MYCBPAP: variants seen among roughly 807,000 people sequenced by gnomAD.
MYCBPAP encodes the protein MYCBP associated protein.
Under a neutral mutation model 106.1 loss-of-function variants are expected in MYCBPAP, and 60 were observed. The observed-to-expected ratio is 0.57, with a 90% CI of 0.46 to 0.70. The LOEUF (loss-of-function observed/expected upper bound fraction) is 0.70. Ranked by LOEUF, MYCBPAP falls within the 30% of genes least tolerant of loss-of-function variation. MYCBPAP has a pLI of 0.00. For missense variants in MYCBPAP, 1,064 were observed against 1,169.3 expected, an observed-to-expected ratio of 0.91 and a Z score of 1.31; for synonymous variants, 407 against 440.6, an observed-to-expected ratio of 0.92 and a Z score of 0.95.
At position 50,523,089 on chromosome 17, in the gene MYCBPAP, A is replaced by G. The variant is rs1286742846; in HGVS notation, c.1408A>G (p.Lys470Glu). Residue 470 changes from lysine (K) to glutamate (E), a missense_variant, in exon 11 of 19, where the codon AAA becomes GAA. By Grantham distance (56) the Lys-to-Glu change is moderately conservative. Transcript: ENST00000323776. The part of the protein sequence containing the change: ...HQPDTFQDLK[K>E]NRMQRFYFDN... Reference sequence around the variant, plus strand: ...GCCGGACACTTTCCAAGACCTTAAGAAAAACAGGATGCAGCGATTTTACTT... The same window carrying G: ...GCCGGACACTTTCCAAGACCTTAAGGAAAACAGGATGCAGCGATTTTACTT... The G allele has an allele frequency of 1.2e-6, 2 of 1,613,992 alleles. No homozygotes were observed. Among genetic ancestry groups the G allele is most frequent in the African/African-American group, 1.3e-5 (1 of 74,930 alleles).
At chr17:50,526,903 C>T (rs1456043470) in intron 14 of MYCBPAP, among the ~76,000 whole-genome samples, 1 of 152,108 alleles carries the variant, frequency 6.6e-6, no homozygotes, top group Non-Finnish European at 1.5e-5. Context: ...TTAGTAGAGA[C>T]GGGGTTTCAC....
At chr17:50,520,936 G>A in intron 7 of MYCBPAP, 174 bp from the exon 8 acceptor site, 1 of 584,640 alleles carries the variant, frequency 1.7e-6, no homozygotes, top group Non-Finnish European at 3.0e-6. Flanking sequence ...CTTGTGTAGG[G>A]CTGCTGAGGA....
At chr17:50,509,402 C>G (rs141925915) in intron 1 of MYCBPAP, 29 of 448,288 alleles carry the variant, frequency 6.5e-5, no homozygotes, top group Middle Eastern at 1.3e-3. Context: ...CTGGTTGCAC[C>G]TGGGAGAGCC....
At chr17:50,520,919 C>T in intron 7 of MYCBPAP, 191 bp from the exon 8 acceptor site, 1 of 557,470 alleles carries the variant, frequency 1.8e-6, no homozygotes, top group Non-Finnish European at 3.2e-6. Flanking sequence ...GCTAATTTTT[C>T]AGGAGTCTTG....
In MYCBPAP at chr17:50,522,035, G is replaced by A; in HGVS notation, c.1211G>A (p.Cys404Tyr). ...MPILGPSLLF[C>Y]GKPACWIRGS... ...ATTCTCGGCCCTTCTCTGCTGTTCT[G>A]TGGGAAGCCAGCTTGCTGGATCAGA... is the stretch of plus-strand genomic sequence containing the variant. The change falls in exon 10 of 19, where the codon TGT becomes TAT. Residue 404 changes from cysteine to tyrosine, a missense_variant. Transcript: ENST00000323776. 2.5e-6 allele frequency: 4 copies of A among 1,614,052 alleles called. No homozygotes were observed. The highest frequency in any genetic ancestry group is 3.4e-6 in the Non-Finnish European group (4 of 1,179,938).
chr17:50,520,413 G>A (rs368126171), intron 7 of MYCBPAP, among the ~76,000 whole-genome samples: 1 of 152,300 alleles, frequency 6.6e-6, no homozygotes, highest in South Asian at 2.1e-4. Context: ...GCTGAGGCAG[G>A]AGAATTGCTT....
rs2034440242 is a variant in MYCBPAP at position 50,525,869 on chromosome 17, C to G, written c.1783-12C>G. 1 of 1,585,094 alleles carries G rather than the reference C, an allele frequency of 6.3e-7. No homozygotes were observed. Among genetic ancestry groups the G allele is most frequent in the Admixed American group, 1.8e-5 (1 of 56,180 alleles). ...GCCTCCCCCTCACATGCCTTCCCAT[C>G]CTCTGCTGCAGCTGCATTATGAGCA... On this transcript the variant is annotated splice_polypyrimidine_tract_variant and intron_variant, in intron 13 of 18. Transcript: ENST00000323776.
Position 50,523,066 on chromosome 17 carries a change from C to T in MYCBPAP, c.1385C>T (p.Pro462Leu), listed in dbSNP as rs146276624. The change falls in exon 11 of 19, where the codon CCG becomes CTG. Residue 462 changes from proline (P) to leucine (L), a missense_variant. Transcript: ENST00000323776. ...TATGACTGGCGACGGCAGCACCAGCCGGACACTTTCCAAGACCTTAAGAAA... is the reference window on the plus strand; with the variant it reads ...TATGACTGGCGACGGCAGCACCAGCTGGACACTTTCCAAGACCTTAAGAAA... ...IWYDWRRQHQ[P>L]DTFQDLKKNR... The T allele has an allele frequency of 2.0e-5, 32 of 1,613,938 alleles. No individual in the cohort carries two copies. The highest frequency in any genetic ancestry group is 2.2e-5 in the East Asian group (1 of 44,886).
In MYCBPAP at chr17:50,517,613, A is replaced by C; in HGVS notation, c.383A>C (p.Asp128Ala). ...CTCCCAGGTCCCGGTGACAGCTTCGATGGCAGTGACCAGATCCTGCCCCAC... is the reference window on the plus strand; with the variant it reads ...CTCCCAGGTCCCGGTGACAGCTTCGCTGGCAGTGACCAGATCCTGCCCCAC... Reference protein sequence around the residue: ...LDYSGPGDSFDGSDQILPHHI... With the variant: ...LDYSGPGDSFAGSDQILPHHI... The change falls in exon 4 of 19, where the codon GAT becomes GCT. Residue 128 changes from aspartate to alanine, a missense_variant. Physicochemically the swap from Asp to Ala is moderately radical, Grantham distance 126 (BLOSUM62 -2). Transcript: ENST00000323776. 6.2e-7 allele frequency: 1 copy of C among 1,614,116 alleles called. No homozygotes were observed. Among genetic ancestry groups the C allele is most frequent in the African/African-American group, 1.3e-5 (1 of 75,026 alleles).
At chr17:50,517,003 A>T (rs931190878) in intron 2 of MYCBPAP, among the ~76,000 whole-genome samples, 10 of 152,226 alleles carry the variant, frequency 6.6e-5, no homozygotes, top group African/African-American at 2.4e-4. Context: ...GCCAAGGTAC[A>T]GCTCTGGGTA....
chr17:50,528,666 C>T (rs2034535161), intron 16 of MYCBPAP, 29 bp from the exon 17 acceptor site: 1 of 1,609,944 alleles, frequency 6.2e-7, no homozygotes, highest in Non-Finnish European at 8.5e-7. Context: ...TGGGGGCCTG[C>T]CATATTTTCT....
chr17:50,510,933 G>GT (rs1191827294), intron 1 of MYCBPAP, among the ~76,000 whole-genome samples: 1 of 151,890 alleles, frequency 6.6e-6, no homozygotes, highest in Non-Finnish European at 1.5e-5. Context: ...CTGGGAGATC[G>GT]TATCAGATTT....
Position 50,525,659 on chromosome 17 carries a change from C to CTCTTTTTTTTTTTTTT in MYCBPAP, c.1783-221_1783-220insCTTTTTTTTTTTTTTT, listed in dbSNP as rs57947501. Among the ~76,000 whole-genome samples, 20 of 131,352 alleles carry CTCTTTTTTTTTTTTTT rather than the reference C, an allele frequency of 1.5e-4. 1 individual carries two copies. Among genetic ancestry groups the CTCTTTTTTTTTTTTTT allele is most frequent in the African/African-American group, 1.7e-4 (6 of 34,918 alleles). 86.2% of individuals were successfully genotyped at this position (131,352 alleles called of 152,430 possible). A position where few individuals can be genotyped will look rare whatever the true frequency, so the allele number is the denominator to read the frequency against. ...ACATCACCATGCTCAGCTAATTTCT[C>CTCTTTTTTTTTTTTTT]TTTTTTTTTTTGGTAGAGATAGGAT... is the stretch of plus-strand genomic sequence containing the variant. On this transcript the variant is annotated intron_variant, in intron 13 of 18. Transcript: ENST00000323776.
chr17:50,522,097 C>T lies in MYCBPAP; in HGVS notation c.1257+16C>T. On this transcript the variant is annotated intron_variant, in intron 10 of 18. Coordinates refer to ENST00000323776, the MANE Select transcript of MYCBPAP (RefSeq NM_032133.6). ...ACAGGACAAGGTAAAACAGCCTCCACCACACCTGCTGGGAGAGCCTCCCTC... is the reference window on the plus strand; with the variant it reads ...ACAGGACAAGGTAAAACAGCCTCCATCACACCTGCTGGGAGAGCCTCCCTC... The T allele has an allele frequency of 6.2e-7, 1 of 1,602,884 alleles. No individual in the cohort carries two copies. Among genetic ancestry groups the T allele is most frequent in the African/African-American group, 1.3e-5 (1 of 74,820 alleles).
At chr17:50,520,053 T>A in intron 7 of MYCBPAP, 1 of 384,428 alleles carries the variant, frequency 2.6e-6, no homozygotes, top group Non-Finnish European at 4.7e-6. Flanking sequence ...ATGCCGCTGG[T>A]GAGCGCCTGG....
intron 1 of MYCBPAP, chr17:50,508,984 G>A (rs2033721607): frequency 2.8e-6 from 2 of 702,822 alleles, no homozygotes; most frequent in African/African-American, 3.5e-5. Flanking sequence ...CTGACAGAGG[G>A]GCCTCAGGGA....
intron 10 of MYCBPAP, 31 bp downstream of exon 10, chr17:50,522,112 G>C (rs1340966020): frequency 1.9e-6 from 3 of 1,585,118 alleles, no homozygotes; most frequent in Non-Finnish European, 2.6e-6. Context: ...CCTGCTGGGA[G>C]AGCCTCCCTC....
intron 6 of MYCBPAP, chr17:50,519,388 C>T (rs1179431770): frequency 1.0e-5 from 6 of 588,788 alleles, no homozygotes; most frequent in Non-Finnish European, 1.8e-5. Flanking sequence ...TTGAAGAGTC[C>T]CCCACCTTTT....
chr17:50,522,153 AC>A, intron 10 of MYCBPAP, 72 bp downstream of exon 10: 1 of 1,250,230 alleles, frequency 8.0e-7, no homozygotes, highest in Non-Finnish European at 1.2e-6. Context: ...ACTGGCAGTT[AC>A]CAGCAGCCTG....
Sources: gnomAD v4.1 joint callset for allele counts (sites outside exome capture counted in the v4.1 genomes callset) on GRCh38, gnomAD v4.1.1 for gene constraint, MANE v1.5 for transcripts, NCBI Gene and HGNC (gene_info 2026-07-23, HGNC 2026-07-21) for gene names.